The following TCF12 variants were observed in gnomAD, a reference collection of about 807,000 sequenced individuals.
The protein encoded by TCF12 is DNA-binding protein HTF4.
A neutral mutation model predicts 86.0 loss-of-function variants in TCF12; 45 were observed. The observed-to-expected ratio is 0.52, with a 90% CI of 0.41 to 0.67. The LOEUF (loss-of-function observed/expected upper bound fraction) is 0.67. Among genes scored for constraint, TCF12 ranks in the 30% least tolerant of loss-of-function variants. The probability of loss-of-function intolerance (pLI) is 0.00; values close to 1 mark genes in which losing one functional copy is unlikely to be tolerated. For synonymous variants in TCF12, 330 were observed against 299.6 expected (o/e 1.10, Z -1.05); for missense variants, 881 against 859.9 (o/e 1.02, Z -0.31).
intron 4 of TCF12, among the ~76,000 whole-genome samples, chr15:57,082,671 T>C (rs1329995155): frequency 6.6e-6 from 1 of 152,188 alleles, no homozygotes; most frequent in Non-Finnish European, 1.5e-5. Context: ...TTTCATAAGT[T>C]TGGAGCTTTC....
intron 3 of TCF12, 64 bp from the exon 4 acceptor site, chr15:57,063,686 C>A: frequency 7.0e-7 from 1 of 1,428,886 alleles, no homozygotes; most frequent in Non-Finnish European, 9.8e-7. Flanking sequence ...CTCTGCTGTC[C>A]CGTACCAAAA....
rs1947349340 is a variant in TCF12 at position 57,019,479 on chromosome 15, T to C, written c.149-44271T>C. 3.9e-5 allele frequency among the ~76,000 whole-genome samples: 6 copies of C among 152,218 alleles called. No individual in the cohort carries two copies. The South Asian group carries it at 1.2e-3, about 32-fold the overall frequency. ...TACTCAAATCAGCCTCCCTGGGAAC[T>C]CAGAGGGAGGCTAAGGTTTTTAATG... On this transcript the variant is annotated intron_variant, in intron 3 of 20. Transcript: ENST00000333725.
chr15:56,941,338 A>G (rs1349511336), intron 3 of TCF12, among the ~76,000 whole-genome samples: 1 of 151,700 alleles, frequency 6.6e-6, no homozygotes, highest in Non-Finnish European at 1.5e-5. Flanking sequence ...CTGCACTCCA[A>G]CCTGGATGAT....
intron 5 of TCF12, among the ~76,000 whole-genome samples, chr15:57,153,739 G>A (rs1246063050): frequency 1.3e-5 from 2 of 152,102 alleles, no homozygotes; most frequent in Non-Finnish European, 2.9e-5. Context: ...TCTAAAAGCA[G>A]GCTGAGAGCT....
intron 3 of TCF12, among the ~76,000 whole-genome samples, chr15:56,966,020 T>G (rs1444352087): frequency 1.3e-5 from 2 of 152,192 alleles, no homozygotes; most frequent in African/African-American, 4.8e-5. Flanking sequence ...GTCATGAATA[T>G]TTGTTGTATT....
intron 3 of TCF12, among the ~76,000 whole-genome samples, chr15:56,994,910 T>C (rs28393473): frequency 0.017 from 2,597 of 152,166 alleles, 82 homozygotes; most frequent in African/African-American, 0.055. Flanking sequence ...TTTGGGTAAA[T>C]ATTGTAGATG....
chr15:57,046,175 A>G (rs1412022011), intron 3 of TCF12, among the ~76,000 whole-genome samples: 1 of 152,224 alleles, frequency 6.6e-6, no homozygotes, highest in Non-Finnish European at 1.5e-5. Context: ...TGAGTTATGT[A>G]CTATTATCAA....
chr15:57,096,138 C>T (rs1249089118), intron 5 of TCF12, among the ~76,000 whole-genome samples: 1 of 152,112 alleles, frequency 6.6e-6, no homozygotes, highest in Non-Finnish European at 1.5e-5. Flanking sequence ...AGACACTGAT[C>T]TTGATGGATG....
chr15:57,233,914 A>G (rs560982358), intron 11 of TCF12, 129 bp from the exon 12 acceptor site: 6 of 700,462 alleles, frequency 8.6e-6, no homozygotes, highest in Admixed American at 2.1e-5. Context: ...CAACACATGT[A>G]GAGTATTTCC....
At chr15:57,171,824 A>G (rs1368635979) in intron 6 of TCF12, among the ~76,000 whole-genome samples, 1 of 152,238 alleles carries the variant, frequency 6.6e-6, no homozygotes, top group Non-Finnish European at 1.5e-5. Context: ...AATAATAGGT[A>G]TATCACTTTA....
At chr15:57,008,492 C>T (rs1010289194) in intron 3 of TCF12, among the ~76,000 whole-genome samples, 18 of 151,768 alleles carry the variant, frequency 1.2e-4, no homozygotes, top group Admixed American at 3.3e-4. Flanking sequence ...GTAACTAGGA[C>T]TACAGGCATG....
intron 4 of TCF12, among the ~76,000 whole-genome samples, chr15:57,064,128 T>C (rs1396571214): frequency 6.6e-6 from 1 of 152,210 alleles, no homozygotes; most frequent in Non-Finnish European, 1.5e-5. Context: ...CTTTATGTGT[T>C]GTTTATTTGC....
chr15:57,007,776 T>TTCTTTCTC (rs2064487985), intron 3 of TCF12, among the ~76,000 whole-genome samples: 1 of 72,700 alleles, frequency 1.4e-5, no homozygotes, highest in African/African-American at 4.7e-5. Flanking sequence ...CTTTCTTTCT[T>TTCTTTCTC]TCTTTCTTTC....
At chr15:57,234,174 G>T (rs558694071) in intron 12 of TCF12, 67 bp downstream of exon 12, 9 of 1,238,684 alleles carry the variant, frequency 7.3e-6, no homozygotes, top group Non-Finnish European at 1.1e-5. Flanking sequence ...ATTAGATTTT[G>T]TAGGTGATAA....
At chr15:57,095,270 A>G (rs1435502370) in intron 5 of TCF12, among the ~76,000 whole-genome samples, 2 of 152,164 alleles carry the variant, frequency 1.3e-5, no homozygotes, top group Non-Finnish European at 2.9e-5. Context: ...TCAATCACCA[A>G]GTAGCCTTGT....
At chr15:56,932,695 A>G (rs2060300881) in intron 3 of TCF12, among the ~76,000 whole-genome samples, 1 of 151,948 alleles carries the variant, frequency 6.6e-6, no homozygotes, top group Non-Finnish European at 1.5e-5. Context: ...CAGCCTTCCA[A>G]GTAGCTGGGA....
intron 6 of TCF12, among the ~76,000 whole-genome samples, chr15:57,189,915 A>G (rs1179307536): frequency 1.3e-5 from 2 of 152,232 alleles, no homozygotes; most frequent in Admixed American, 6.5e-5. Flanking sequence ...GGAATGAGGT[A>G]CTTTGATACA....
rs748824437 is a variant in TCF12 at position 57,286,448 on chromosome 15, A to G, written c.*303A>G. ...AATCAGAGACTGTCTCGATCTCTCC[A>G]CTCACCGTGGAAGTTGCCTTGTGCC... On this transcript the variant is annotated 3_prime_UTR_variant, in exon 21 of 21. Transcript: ENST00000333725. 6 of 353,342 alleles carry G rather than the reference A, an allele frequency of 1.7e-5. No individual in the cohort carries two copies. Among genetic ancestry groups the G allele is most frequent in the Non-Finnish European group, 3.4e-5 (6 of 178,904 alleles). The allele number at this position is 353,342 out of a possible 1,614,324, so 21.9% of individuals were successfully genotyped here.
At chr15:57,211,139 C>T (rs2058085633) in intron 8 of TCF12, among the ~76,000 whole-genome samples, 1 of 152,200 alleles carries the variant, frequency 6.6e-6, no homozygotes, top group Non-Finnish European at 1.5e-5. Context: ...GATTAACTTG[C>T]ACATTATTGA....
Sources: allele counts gnomAD v4.1 joint callset (sites outside exome capture counted in the v4.1 genomes callset), GRCh38; gene constraint gnomAD v4.1.1; transcripts MANE v1.5; gene names NCBI Gene and HGNC (gene_info 2026-07-23, HGNC 2026-07-21).